PTPRN2: variants seen among roughly 807,000 people sequenced by gnomAD.
PTPRN2 encodes receptor-type tyrosine-protein phosphatase N2.
A neutral mutation model predicts 118.8 loss-of-function variants in PTPRN2; 74 were observed. The ratio of observed to expected loss-of-function variants is 0.62; its 90% CI spans 0.52 to 0.76. PTPRN2 has a LOEUF of 0.76. PTPRN2 is among the 30% of genes least tolerant of loss of function. PTPRN2 has a pLI of 0.00. For synonymous variants in PTPRN2, 641 were observed against 608.0 expected (o/e 1.05, Z -0.80); for missense variants, 1,481 against 1,394.4 (o/e 1.06, Z -0.99).
At chr7:158,323,112 C>T (rs1041537943) in intron 2 of PTPRN2, among the ~76,000 whole-genome samples, 1 of 152,186 alleles carries the variant, frequency 6.6e-6, no homozygotes, top group Admixed American at 6.5e-5. Context: ...GAGTCTTTTT[C>T]CAAAACAGGA....
chr7:158,249,180 C>T lies in PTPRN2; in HGVS notation c.278-43907G>A, dbSNP rs375432812. Among the ~76,000 whole-genome samples, 367 of 152,254 alleles carry T rather than the reference C, an allele frequency of 2.4e-3. 1 individual carries two copies. Among genetic ancestry groups the T allele is most frequent in the African/African-American group, 5.8e-3 (240 of 41,532 alleles). ...TCACCACACACGTGCACACAGCACA[C>T]ACACGAACACACATCACACACATGC... On this transcript the variant is annotated intron_variant, in intron 3 of 22. Coordinates refer to ENST00000389418, the MANE Select transcript of PTPRN2 (RefSeq NM_002847.5).
At chr7:157,692,429 A>C (rs1023018137) in intron 12 of PTPRN2, among the ~76,000 whole-genome samples, 2 of 152,174 alleles carry the variant, frequency 1.3e-5, no homozygotes, top group Non-Finnish European at 2.9e-5. Context: ...AGTTCTGTAA[A>C]ACCTGGGGGC....
rs116383613 is a variant in PTPRN2, at chr7:157,778,687, A to C, written c.1789-95750T>G. ...TGCCCACGTAAACATGTCCATGTGA[A>C]TACATGCACTGAACGCCCATGTAAA... On this transcript the variant is annotated intron_variant, in intron 12 of 22. Coordinates refer to ENST00000389418, the MANE Select transcript of PTPRN2 (RefSeq NM_002847.5). 2.8e-3 allele frequency among the ~76,000 whole-genome samples: 418 copies of C among 151,414 alleles called. 4 individuals are homozygous for C. The highest frequency in any genetic ancestry group is 0.014 in the Middle Eastern group (4 of 288).
At chr7:158,196,318 CTCA>C (rs1448186426) in intron 4 of PTPRN2, among the ~76,000 whole-genome samples, 1 of 152,210 alleles carries the variant, frequency 6.6e-6, no homozygotes, top group African/African-American at 2.4e-5. Context: ...TCAGCTCTGT[CTCA>C]TCAACTCTGG....
chr7:158,272,309 T>A (rs909276567), intron 3 of PTPRN2, among the ~76,000 whole-genome samples: 7 of 152,224 alleles, frequency 4.6e-5, no homozygotes, highest in Non-Finnish European at 1.0e-4. Flanking sequence ...CTGTACTTGC[T>A]CAGCCTTTTG....
chr7:158,487,025 G>A (rs1821083039), intron 2 of PTPRN2, among the ~76,000 whole-genome samples: 2 of 152,180 alleles, frequency 1.3e-5, no homozygotes, highest in East Asian at 1.9e-4. Flanking sequence ...GAATCATTCA[G>A]TATTTGTCCT....
intron 12 of PTPRN2, among the ~76,000 whole-genome samples, chr7:157,683,309 CG>C (rs1797001661): frequency 6.6e-6 from 1 of 151,262 alleles, no homozygotes; most frequent in African/African-American, 2.4e-5. Context: ...CAATGATTGT[CG>C]GGGGTGCTGG....
chr7:158,289,384 G>C (rs1799963437), intron 3 of PTPRN2, among the ~76,000 whole-genome samples: 1 of 152,022 alleles, frequency 6.6e-6, no homozygotes, highest in Admixed American at 6.5e-5. Context: ...CTGACTGTAT[G>C]TTTTCAAATA....
intron 5 of PTPRN2, among the ~76,000 whole-genome samples, chr7:158,174,421 A>G (rs1331056806): frequency 6.6e-6 from 1 of 151,612 alleles, no homozygotes; most frequent in African/African-American, 2.4e-5. Flanking sequence ...CCCCACCATT[A>G]TCACTTCCAC....
intron 2 of PTPRN2, among the ~76,000 whole-genome samples, chr7:158,406,666 CCT>C (rs1199665023): frequency 1.3e-5 from 2 of 152,246 alleles, no homozygotes; most frequent in Non-Finnish European, 2.9e-5. Context: ...CTGACCATGC[CCT>C]GAGACCTGCC....
At chr7:158,113,159 G>A (rs759427359) in intron 9 of PTPRN2, among the ~76,000 whole-genome samples, 4 of 152,140 alleles carry the variant, frequency 2.6e-5, no homozygotes, top group Non-Finnish European at 5.9e-5. Flanking sequence ...GAAGGGCCGG[G>A]CCTCAGATTG....
At chr7:157,879,272 C>G (rs1334239676) in intron 12 of PTPRN2, among the ~76,000 whole-genome samples, 1 of 152,244 alleles carries the variant, frequency 6.6e-6, no homozygotes, top group East Asian at 1.9e-4. Context: ...CTCTTGGATT[C>G]TGTGTTTTCA....
Position 158,563,355 on chromosome 7 carries a change from C to T in PTPRN2, c.112+24203G>A, listed in dbSNP as rs556536561. Among the ~76,000 whole-genome samples, 16 of 152,276 alleles carry T rather than the reference C, an allele frequency of 1.1e-4. No individual in the cohort carries two copies. Among genetic ancestry groups the T allele is most frequent in the Middle Eastern group, 3.4e-3 (1 of 292 alleles). ...ACCCAAGTGGAACGCAGATACGGCA[C>T]GTCAGTGAGAACAAAAGCATCACAA... On this transcript the variant is annotated intron_variant, in intron 1 of 22. Coordinates refer to ENST00000389418, the MANE Select transcript of PTPRN2 (RefSeq NM_002847.5). This position sits in a 1 kb window ranked among gnomAD's most constrained non-coding sequence, Gnocchi z 5.1.
chr7:158,237,751 C>CTG lies in PTPRN2; in HGVS notation c.278-32479_278-32478insCA, dbSNP rs1795617937. On this transcript the variant is annotated intron_variant, in intron 3 of 22. Transcript: ENST00000389418. ...CCCACAGGTGTGTAGGGGCAACCCA[C>CTG]CCCTACACTCTGCCACTTCGCCGCC... Among the ~76,000 whole-genome samples the CTG allele has an allele frequency of 1.3e-5, 2 of 151,480 alleles. 1 individual carries two copies. The highest frequency in any genetic ancestry group is 2.9e-5 in the Non-Finnish European group (2 of 67,888).
chr7:158,422,424 T>C (rs778687697), intron 2 of PTPRN2, among the ~76,000 whole-genome samples: 1 of 152,214 alleles, frequency 6.6e-6, no homozygotes, highest in Non-Finnish European at 1.5e-5. Context: ...GGACACGGAA[T>C]TGAGCCGGAA....
intron 11 of PTPRN2, among the ~76,000 whole-genome samples, chr7:157,909,074 T>C (rs1043869263): frequency 6.6e-6 from 1 of 152,186 alleles, no homozygotes; most frequent in Non-Finnish European, 1.5e-5. Context: ...ATTTACAAAA[T>C]TATGTATGTC....
At chr7:158,342,916 G>A (rs895753652) in intron 2 of PTPRN2, among the ~76,000 whole-genome samples, 6 of 152,208 alleles carry the variant, frequency 3.9e-5, no homozygotes, top group African/African-American at 7.2e-5. Flanking sequence ...CTTCAAAAGC[G>A]AAGGAGAACG....
At chr7:158,056,468 G>T (rs966395393) in intron 11 of PTPRN2, among the ~76,000 whole-genome samples, 1 of 152,246 alleles carries the variant, frequency 6.6e-6, no homozygotes, top group Non-Finnish European at 1.5e-5. Flanking sequence ...AATCACTTTT[G>T]TGTGCATTTT....
At position 158,167,009 on chromosome 7, in the gene PTPRN2, G is replaced by C. The variant is rs551350068; in HGVS notation, c.832C>G (p.Pro278Ala). Residue 278 changes from proline to alanine, a missense_variant, in exon 6 of 23, where the codon CCT (proline) becomes GCT (alanine). Physicochemically the swap from Pro to Ala is conservative, Grantham distance 27. Around this residue, in one of 3 missense-constraint regions of PTPRN2, gnomAD observed 1,115 missense variants for 994.2 expected, o/e 1.12. Coordinates refer to ENST00000389418, the MANE Select transcript of PTPRN2 (RefSeq NM_002847.5). The stretch of plus-strand genomic sequence containing the variant: ...TGGGGGGCGGCTGGTGCCAGCAAAG[G>C]CCTGGGCATTCTTGAGGGTGCACGC... ...LLRAPSRMPR[P>A]LLAPAAPQKW... 3 of 1,485,282 alleles carry C rather than the reference G, an allele frequency of 2.0e-6. No homozygotes were observed. The highest frequency in any genetic ancestry group is 1.4e-5 in the South Asian group (1 of 72,142). 92.0% of individuals were successfully genotyped at this position (1,485,282 alleles called of 1,614,324 possible). A position where few individuals can be genotyped will look rare whatever the true frequency, so the allele number is the denominator to read the frequency against.
Sources: gnomAD v4.1 joint callset for allele counts (sites outside exome capture counted in the v4.1 genomes callset) on GRCh38, gnomAD v4.1.1 for gene constraint, gnomAD v4.1.1 regional missense constraint, Gnocchi (gnomAD v3.1) non-coding constraint, MANE v1.5 for transcripts, NCBI Gene and HGNC (gene_info 2026-07-23, HGNC 2026-07-21) for gene names.